FTCDNL1: variants seen among roughly 807,000 people sequenced by gnomAD.
FTCDNL1 encodes the protein formiminotransferase N-terminal subdomain-containing protein.
A neutral mutation model predicts 5.9 loss-of-function variants in FTCDNL1; 11 were observed. That is an observed-to-expected ratio of 1.87 (90% CI 1.18 to 3.10). The LOEUF is 3.10. Ranked by LOEUF, FTCDNL1 falls within the 30% of genes most tolerant of loss-of-function variation. The probability of loss-of-function intolerance (pLI) is 0.00; values close to 1 mark genes in which losing one functional copy is unlikely to be tolerated. For missense variants in FTCDNL1, 115 were observed against 65.5 expected (o/e 1.76, Z -2.61); for synonymous variants, 58 against 24.8 (o/e 2.34, Z -3.99).
At chr2:199,781,818 C>T (rs965845877) in intron 3 of FTCDNL1, among the ~76,000 whole-genome samples, 9 of 152,076 alleles carry the variant, frequency 5.9e-5, no homozygotes, top group East Asian at 1.9e-4. Flanking sequence ...CTCGCTCTGT[C>T]GCCCAGGCTA....
the FTCDNL1 span, among the ~76,000 whole-genome samples, chr2:199,677,086 T>G: frequency 6.6e-6 from 1 of 152,150 alleles, no homozygotes; most frequent in Non-Finnish European, 1.5e-5. Flanking sequence ...TGGAGAAGCG[T>G]GTTGAGGTAC....
chr2:199,671,275 A>G, the FTCDNL1 span, among the ~76,000 whole-genome samples: 1 of 152,044 alleles, frequency 6.6e-6, no homozygotes, highest in Non-Finnish European at 1.5e-5. Context: ...AGGCCTAAGC[A>G]CCATCAGTGA....
intron 3 of FTCDNL1, among the ~76,000 whole-genome samples, chr2:199,776,426 A>C (rs1006270697): frequency 6.6e-6 from 1 of 152,228 alleles, no homozygotes; most frequent in African/African-American, 2.4e-5. Flanking sequence ...CCAATTAATC[A>C]TTCTAACAGC....
At chr2:199,700,876 C>T in the FTCDNL1 span, among the ~76,000 whole-genome samples, 1 of 151,504 alleles carries the variant, frequency 6.6e-6, no homozygotes, top group Non-Finnish European at 1.5e-5. Context: ...TCACCATATA[C>T]AAAAATCAAC....
the FTCDNL1 span, among the ~76,000 whole-genome samples, chr2:199,703,163 T>C: frequency 6.6e-6 from 1 of 152,032 alleles, no homozygotes; most frequent in Admixed American, 6.6e-5. Context: ...CATTAACTCA[T>C]CATTTAGCAT....
At chr2:199,752,746 G>GTA in the FTCDNL1 span, among the ~76,000 whole-genome samples, 136 of 36,580 alleles carry the variant, frequency 3.7e-3, no homozygotes, top group Non-Finnish European at 9.7e-3. Context: ...CTCTCTGTGT[G>GTA]TGTGTGTGTG....
chr2:199,697,631 T>G, the FTCDNL1 span, among the ~76,000 whole-genome samples: 1 of 151,378 alleles, frequency 6.6e-6, no homozygotes, highest in Admixed American at 6.6e-5. Context: ...CTTAAGGGAG[T>G]GCTAAACATA....
At chr2:199,734,242 G>A in the FTCDNL1 span, among the ~76,000 whole-genome samples, 4 of 152,148 alleles carry the variant, frequency 2.6e-5, no homozygotes, top group Non-Finnish European at 5.9e-5. Flanking sequence ...CATTGCGGGT[G>A]GATGCTGAAA....
At chr2:199,747,212 A>G in the FTCDNL1 span, among the ~76,000 whole-genome samples, 1 of 152,218 alleles carries the variant, frequency 6.6e-6, no homozygotes, top group Non-Finnish European at 1.5e-5. Context: ...ATTCAGAGAG[A>G]AAGTGCTTGG....
downstream of FTCDNL1, among the ~76,000 whole-genome samples, chr2:199,807,180 A>G (rs76506302): frequency 0.02 from 3,112 of 152,300 alleles, 97 homozygotes; most frequent in African/African-American, 0.068. Context: ...GACTTATGCC[A>G]GTTCCTGCAG....
the FTCDNL1 span, among the ~76,000 whole-genome samples, chr2:199,704,217 A>G: frequency 6.6e-6 from 1 of 152,220 alleles, no homozygotes; most frequent in East Asian, 1.9e-4. Flanking sequence ...AAACAACTCA[A>G]TAAAGAACAG....
chr2:199,680,499 C>A, the FTCDNL1 span, among the ~76,000 whole-genome samples: 2 of 152,010 alleles, frequency 1.3e-5, no homozygotes, highest in Non-Finnish European at 2.9e-5. Context: ...GGCTTGAAAC[C>A]AGGAAAAAAT....
chr2:199,744,262 G>A, the FTCDNL1 span, among the ~76,000 whole-genome samples: 1 of 152,206 alleles, frequency 6.6e-6, no homozygotes, highest in South Asian at 2.1e-4. Flanking sequence ...AAAGTTACGT[G>A]TTGAAACCTG....
rs1559258983 is a variant in FTCDNL1 at position 199,850,811 on chromosome 2, G to C, written c.-79C>G. ...CGCTCGCCAGGCTGCCGCAACGCGT[G>C]CTGGGGCCAGAACCCCGCTGCTGGG... is the stretch of plus-strand genomic sequence containing the variant. On this transcript the variant is annotated 5_prime_UTR_variant, in exon 1 of 5. Coordinates refer to ENST00000420128, the MANE Select transcript of FTCDNL1 (RefSeq NM_001363886.2). 1 of 152,510 alleles carries C rather than the reference G, an allele frequency of 6.6e-6. No homozygotes were observed. The highest frequency in any genetic ancestry group is 1.9e-4 in the East Asian group (1 of 5,172). 9.4% of individuals were successfully genotyped at this position (152,510 alleles called of 1,614,324 possible). A position where few individuals can be genotyped will look rare whatever the true frequency, so the allele number is the denominator to read the frequency against.
chr2:199,841,388 AAAATAAAT>A (rs532212137), intron 3 of FTCDNL1, among the ~76,000 whole-genome samples: 2 of 152,024 alleles, frequency 1.3e-5, no homozygotes, highest in African/African-American at 2.4e-5. Context: ...TCTGTCTCAA[AAAATAAAT>A]AAATAAATAA....
the FTCDNL1 span, among the ~76,000 whole-genome samples, chr2:199,742,656 G>T: frequency 6.6e-6 from 1 of 152,168 alleles, no homozygotes; most frequent in African/African-American, 2.4e-5. Flanking sequence ...ATGAATATAT[G>T]ATTATCTCCA....
At chr2:199,805,137 G>A (rs1240413555), downstream of FTCDNL1, among the ~76,000 whole-genome samples, 1 of 152,172 alleles carries the variant, frequency 6.6e-6, no homozygotes, top group Non-Finnish European at 1.5e-5. Flanking sequence ...AAGGTGAAGA[G>A]TCACTGCTGA....
intron 3 of FTCDNL1, among the ~76,000 whole-genome samples, chr2:199,840,044 T>C (rs1439017001): frequency 2.0e-5 from 3 of 152,200 alleles, no homozygotes; most frequent in Non-Finnish European, 4.4e-5. Context: ...GTCATGATGA[T>C]GGCTGAGGGG....
At chr2:199,680,241 G>C in the FTCDNL1 span, among the ~76,000 whole-genome samples, 597 of 152,246 alleles carry the variant, frequency 3.9e-3, 6 homozygotes, top group African/African-American at 0.014. Context: ...CTCAATATAA[G>C]CAAACCATTG....
Sources: gnomAD v4.1 joint callset for allele counts (sites outside exome capture counted in the v4.1 genomes callset) on GRCh38, gnomAD v4.1.1 for gene constraint, MANE v1.5 for transcripts, NCBI Gene and HGNC (gene_info 2026-07-23, HGNC 2026-07-21) for gene names.